The following ITFG1 variants were observed in gnomAD, a reference collection of about 807,000 sequenced individuals.
ITFG1 encodes T-cell immunomodulatory protein.
In ITFG1, 34 loss-of-function variants were observed where a neutral mutation model predicts 81.8. The ratio of observed to expected loss-of-function variants is 0.42; its 90% confidence interval spans 0.32 to 0.55. ITFG1 has a LOEUF of 0.55. ITFG1 is among the 20% of genes least tolerant of loss of function. The pLI, the probability that ITFG1 is intolerant of heterozygous loss-of-function variation, is 0.17. For missense variants in ITFG1, 672 were observed against 755.4 expected (o/e 0.89, Z 1.29); for synonymous variants, 285 against 270.6 (o/e 1.05, Z -0.52).
Position 47,253,525 on chromosome 16 carries a change from G to A in ITFG1, c.1330+5107C>T, listed in dbSNP as rs76529385. 1.6e-4 allele frequency among the ~76,000 whole-genome samples: 24 copies of A among 152,268 alleles called. No homozygotes were observed. The East Asian group carries it at 4.4e-3, about 28-fold the overall frequency. ...TCTGTTATTATGATTATAAGTTAGG[G>A]CAGTGGTCCCCAACCTTTCTGGCAC... On this transcript the variant is annotated intron_variant, in intron 12 of 17. Coordinates refer to ENST00000320640, the MANE Select transcript of ITFG1 (RefSeq NM_030790.5).
chr16:47,353,916 C>T (rs1968002607), intron 8 of ITFG1, among the ~76,000 whole-genome samples: 2 of 152,044 alleles, frequency 1.3e-5, no homozygotes, highest in African/African-American at 2.4e-5. Context: ...ACCCTGTGTT[C>T]ATGAATCGCA....
intron 12 of ITFG1, among the ~76,000 whole-genome samples, chr16:47,251,397 C>T (rs1032777863): frequency 1.3e-5 from 2 of 152,230 alleles, no homozygotes; most frequent in Non-Finnish European, 2.9e-5. Flanking sequence ...AAAAAGGAAG[C>T]AGTGGCAATT....
chr16:47,208,780 T>C (rs1387777317), intron 14 of ITFG1, among the ~76,000 whole-genome samples: 2 of 152,174 alleles, frequency 1.3e-5, no homozygotes, highest in Non-Finnish European at 1.5e-5. Context: ...GATAACCAAC[T>C]TCTCTGTTTG....
intron 10 of ITFG1, chr16:47,299,657 C>T (rs1293439286): frequency 6.6e-6 from 1 of 152,438 alleles, no homozygotes; most frequent in Non-Finnish European, 1.5e-5. Flanking sequence ...GTTCCATAGC[C>T]TAGCAGGTGG....
At chr16:47,408,431 C>T (rs1968756945) in intron 6 of ITFG1, among the ~76,000 whole-genome samples, 1 of 152,058 alleles carries the variant, frequency 6.6e-6, no homozygotes, top group Admixed American at 6.6e-5. Context: ...CTTGGCTTGA[C>T]CAATAAAGGT....
chr16:47,226,465 G>A (rs1965758834), intron 13 of ITFG1, among the ~76,000 whole-genome samples: 1 of 152,048 alleles, frequency 6.6e-6, no homozygotes, highest in Non-Finnish European at 1.5e-5. Context: ...TTGGTGTGCT[G>A]CACCCATTAA....
At chr16:47,438,063 G>A (rs1969192303) in intron 5 of ITFG1, among the ~76,000 whole-genome samples, 1 of 152,210 alleles carries the variant, frequency 6.6e-6, no homozygotes, top group African/African-American at 2.4e-5. Flanking sequence ...AGGGTCCTAT[G>A]CCCACAAAGC....
chr16:47,265,877 A>G (rs1270353577), intron 10 of ITFG1, among the ~76,000 whole-genome samples: 3 of 152,194 alleles, frequency 2.0e-5, no homozygotes, highest in African/African-American at 7.2e-5. Flanking sequence ...ACAAATAGGT[A>G]AGATGTAAAA....
At chr16:47,218,100 G>A (rs575549256) in intron 14 of ITFG1, 3 of 152,138 alleles carry the variant, frequency 2.0e-5, no homozygotes, top group African/African-American at 4.8e-5. Flanking sequence ...ATTTAGTAAG[G>A]CCATTACATA....
chr16:47,199,292 A>AAACC (rs1463334419), intron 14 of ITFG1, among the ~76,000 whole-genome samples: 2 of 151,850 alleles, frequency 1.3e-5, no homozygotes, highest in Non-Finnish European at 2.9e-5. Flanking sequence ...AAACCAAACC[A>AAACC]AAACAAAAAA....
At chr16:47,432,093 G>A (rs1297145370) in intron 5 of ITFG1, among the ~76,000 whole-genome samples, 1 of 152,140 alleles carries the variant, frequency 6.6e-6, no homozygotes, top group East Asian at 1.9e-4. Flanking sequence ...ATCAATATCT[G>A]TAGCCACAAT....
chr16:47,417,196 A>C (rs1968885890), intron 6 of ITFG1, among the ~76,000 whole-genome samples: 1 of 152,234 alleles, frequency 6.6e-6, no homozygotes, highest in African/African-American at 2.4e-5. Flanking sequence ...AAGCAGAAAC[A>C]GGGTTCTATA....
intron 5 of ITFG1, among the ~76,000 whole-genome samples, chr16:47,436,177 T>G (rs1223373085): frequency 6.6e-6 from 1 of 152,158 alleles, no homozygotes; most frequent in Non-Finnish European, 1.5e-5. Flanking sequence ...TCTGGGATAA[T>G]TCTCCAAACA....
At chr16:47,274,155 G>A (rs1012000497) in intron 10 of ITFG1, among the ~76,000 whole-genome samples, 4 of 152,074 alleles carry the variant, frequency 2.6e-5, no homozygotes, top group Non-Finnish European at 4.4e-5. Flanking sequence ...TACTCGGGAG[G>A]CTGAGGCAGG....
At chr16:47,448,108 T>G (rs1266157980) in intron 5 of ITFG1, 3 of 152,206 alleles carry the variant, frequency 2.0e-5, no homozygotes, top group African/African-American at 7.2e-5. Flanking sequence ...TTGAGTATTA[T>G]TTGGTTTTAT....
At chr16:47,424,978 G>C (rs960363260) in intron 6 of ITFG1, among the ~76,000 whole-genome samples, 2 of 152,216 alleles carry the variant, frequency 1.3e-5, no homozygotes, top group Non-Finnish European at 1.5e-5. Flanking sequence ...AGAGCTGTCA[G>C]ACAGGGATGT....
chr16:47,180,370 C>T (rs1458852896), intron 14 of ITFG1, among the ~76,000 whole-genome samples: 1 of 151,318 alleles, frequency 6.6e-6, no homozygotes, highest in Non-Finnish European at 1.5e-5. Context: ...CCTCTCCCTC[C>T]CCCTCCCCCT....
intron 2 of ITFG1, among the ~76,000 whole-genome samples, chr16:47,456,365 G>T (rs1371807149): frequency 6.6e-6 from 1 of 152,070 alleles, no homozygotes; most frequent in African/African-American, 2.4e-5. Flanking sequence ...AACCCATGAA[G>T]CTAGAACACA....
At chr16:47,353,753 C>A (rs1421166992) in intron 8 of ITFG1, among the ~76,000 whole-genome samples, 2 of 151,756 alleles carry the variant, frequency 1.3e-5, no homozygotes, top group Non-Finnish European at 2.9e-5. Context: ...TAATAATAAA[C>A]TATCTGAAAA....
Sources: gnomAD v4.1 joint callset for allele counts (sites outside exome capture counted in the v4.1 genomes callset) on GRCh38, gnomAD v4.1.1 for gene constraint, MANE v1.5 for transcripts, NCBI Gene and HGNC (gene_info 2026-07-23, HGNC 2026-07-21) for gene names.